Variants in COL24A1 observed in about 807,000 individuals in gnomAD.
COL24A1 encodes collagen type XXIV alpha 1 chain, also known as collagen alpha-1(XXIV) chain.
In COL24A1, 224 loss-of-function variants were observed where a neutral mutation model predicts 253.9. The ratio of observed to expected loss-of-function variants is 0.88; its 90% CI spans 0.79 to 0.99. COL24A1 has a LOEUF of 0.99. Among genes scored for constraint, COL24A1 ranks in the 50% least tolerant of loss-of-function variants. The pLI, the probability that COL24A1 is intolerant of heterozygous loss-of-function variation, is 0.00. For synonymous variants in COL24A1, 685 were observed against 673.7 expected (o/e 1.02, Z -0.26); for missense variants, 2,131 against 2,068.5 (o/e 1.03, Z -0.59).
intron 2 of COL24A1, among the ~76,000 whole-genome samples, chr1:86,133,870 G>A (rs1351657487): frequency 6.6e-6 from 1 of 152,160 alleles, no homozygotes; most frequent in Non-Finnish European, 1.5e-5. Context: ...CATCAAATGA[G>A]TTAGGGAGGA....
At chr1:85,872,847 T>G (rs1453755804) in intron 35 of COL24A1, among the ~76,000 whole-genome samples, 2 of 152,140 alleles carry the variant, frequency 1.3e-5, no homozygotes, top group African/African-American at 4.8e-5. Flanking sequence ...TGGGATCTAA[T>G]TAAACTAAAG....
At chr1:85,991,490 TG>T (rs1367227255) in intron 19 of COL24A1, among the ~76,000 whole-genome samples, 1 of 152,344 alleles carries the variant, frequency 6.6e-6, no homozygotes, top group African/African-American at 2.4e-5. Context: ...TGGCTTCTGG[TG>T]GTAACTGTCA....
chr1:85,834,398 T>TCA (rs1675764784), intron 43 of COL24A1, among the ~76,000 whole-genome samples: 1 of 152,120 alleles, frequency 6.6e-6, no homozygotes, highest in Non-Finnish European at 1.5e-5. Flanking sequence ...CTGGTGATAC[T>TCA]ATTCACTGAA....
rs969302161 is a variant in COL24A1 at position 86,109,943 on chromosome 1, G to C, written c.1599+2624C>G. Among the ~76,000 whole-genome samples the C allele has an allele frequency of 1.2e-4, 19 of 152,254 alleles. 2 individuals carry two copies. The highest frequency in any genetic ancestry group is 5.2e-4 in the Admixed American group (8 of 15,296). On this transcript the variant is annotated intron_variant, in intron 5 of 59. Transcript: ENST00000370571. ...CCATTGTGTGATGACACATTGAGAA[G>C]GCTCTGCCTATGAACCAGAAAGCAA...
chr1:86,072,356 A>T (rs1265437985), intron 7 of COL24A1, among the ~76,000 whole-genome samples: 1 of 152,152 alleles, frequency 6.6e-6, no homozygotes, highest in Non-Finnish European at 1.5e-5. Flanking sequence ...AGGCTTGAGT[A>T]GGTGGTTTTC....
At chr1:85,963,657 A>T (rs1025819572) in intron 23 of COL24A1, among the ~76,000 whole-genome samples, 2 of 152,142 alleles carry the variant, frequency 1.3e-5, no homozygotes, top group East Asian at 1.9e-4. Flanking sequence ...TAATAGCTAC[A>T]TGATGTATTG....
chr1:85,850,832 G>A (rs775596087), intron 37 of COL24A1, among the ~76,000 whole-genome samples: 33 of 152,020 alleles, frequency 2.2e-4, no homozygotes, highest in Admixed American at 1.6e-3. Flanking sequence ...TTATGATGAA[G>A]AGCTCAAAAT....
At position 85,961,244 on chromosome 1, in the gene COL24A1, C is replaced by T. The variant is rs1691026635; in HGVS notation, c.2562+5G>A. 1 of 1,588,678 alleles carries T rather than the reference C, an allele frequency of 6.3e-7. No individual in the cohort carries two copies. Among genetic ancestry groups the T allele is most frequent in the Non-Finnish European group, 8.6e-7 (1 of 1,158,042 alleles). The stretch of plus-strand genomic sequence containing the variant: ...TTAAAAAATAAGAGCATAAAATAAG[C>T]TTACTGTTTCACCAATTTTTCCAAT... On this transcript the variant is annotated splice_donor_5th_base_variant and intron_variant, in intron 24 of 59. Transcript: ENST00000370571.
intron 2 of COL24A1, among the ~76,000 whole-genome samples, chr1:86,136,164 A>G (rs1302834591): frequency 2.0e-5 from 3 of 152,070 alleles, no homozygotes; most frequent in Non-Finnish European, 4.4e-5. Flanking sequence ...CTCAGTGAGT[A>G]GATTTTTGCA....
chr1:85,872,704 C>G (rs890318931), intron 35 of COL24A1, among the ~76,000 whole-genome samples: 1 of 152,196 alleles, frequency 6.6e-6, no homozygotes, highest in African/African-American at 2.4e-5. Context: ...GGATTAAAGA[C>G]TTAAATGTTA....
At chr1:86,040,795 A>G (rs924295141) in intron 12 of COL24A1, among the ~76,000 whole-genome samples, 2 of 152,142 alleles carry the variant, frequency 1.3e-5, no homozygotes, top group Admixed American at 6.6e-5. Flanking sequence ...CTTAAGAATT[A>G]ATAACAACTT....
chr1:85,977,587 G>A (rs1692815372), intron 20 of COL24A1, among the ~76,000 whole-genome samples: 1 of 152,120 alleles, frequency 6.6e-6, no homozygotes, highest in Non-Finnish European at 1.5e-5. Flanking sequence ...ACTGGAAAGT[G>A]TCAATAATAG....
intron 31 of COL24A1, among the ~76,000 whole-genome samples, chr1:85,889,847 A>T (rs1431028685): frequency 1.3e-5 from 2 of 151,944 alleles, no homozygotes; most frequent in African/African-American, 4.8e-5. Flanking sequence ...TGTAACCGTT[A>T]CCAGAACTTT....
At position 85,875,323 on chromosome 1, in the gene COL24A1, G is replaced by A. The variant is rs753119095; in HGVS notation, c.3038C>T (p.Pro1013Leu). ...CAGACCAGACTCTCCCTCAGTGCCTGGAGGTCCCTACAAGAGAATAATTTA... is the reference window on the plus strand; with the variant it reads ...CAGACCAGACTCTCCCTCAGTGCCTAGAGGTCCCTACAAGAGAATAATTTA... Reference protein sequence around the residue: ...PPGEMGMEGPPGTEGESGLQG... With the variant: ...PPGEMGMEGPLGTEGESGLQG... The change falls in exon 34 of 60, where the codon CCA becomes CTA. Residue 1013 changes from proline (P) to leucine (L), a missense_variant. Pro to Leu is a moderately conservative substitution (Grantham distance 98). Transcript: ENST00000370571. 4 of 1,613,358 alleles carry A rather than the reference G, an allele frequency of 2.5e-6. No individual in the cohort carries two copies. The highest frequency in any genetic ancestry group is 1.7e-5 in the Admixed American group (1 of 59,922).
intron 53 of COL24A1, among the ~76,000 whole-genome samples, chr1:85,768,250 C>T (rs769192390): frequency 1.3e-4 from 19 of 151,976 alleles, no homozygotes; most frequent in Non-Finnish European, 2.6e-4. Flanking sequence ...CAAACAGGGG[C>T]CAGTTCATGT....
chr1:86,026,561 C>A (rs928887208), intron 14 of COL24A1, among the ~76,000 whole-genome samples: 4 of 152,232 alleles, frequency 2.6e-5, no homozygotes, highest in African/African-American at 9.6e-5. Context: ...TGCCTTCCAA[C>A]ATGACTGTAA....
chr1:86,118,342 C>T (rs1325866920), intron 3 of COL24A1, among the ~76,000 whole-genome samples: 1 of 152,032 alleles, frequency 6.6e-6, no homozygotes, highest in Admixed American at 6.5e-5. Context: ...GGATTACAGG[C>T]GTGAGCCACT....
chr1:85,983,846 G>A (rs1054709668), intron 20 of COL24A1, among the ~76,000 whole-genome samples: 1 of 151,806 alleles, frequency 6.6e-6, no homozygotes, highest in Non-Finnish European at 1.5e-5. Flanking sequence ...CTACAGAACA[G>A]AAAATTATTA....
At chr1:85,955,678 C>T (rs1263778301) in intron 24 of COL24A1, among the ~76,000 whole-genome samples, 2 of 152,166 alleles carry the variant, frequency 1.3e-5, no homozygotes, top group African/African-American at 2.4e-5. Flanking sequence ...GGAAGTTTTC[C>T]CATTTCATTA....
Sources: allele counts gnomAD v4.1 joint callset (sites outside exome capture counted in the v4.1 genomes callset), GRCh38; gene constraint gnomAD v4.1.1; transcripts MANE v1.5; gene names NCBI Gene and HGNC (gene_info 2026-07-23, HGNC 2026-07-21).